Variants in DHX32 observed in about 807,000 individuals in gnomAD.
DHX32 encodes the protein putative pre-mRNA-splicing factor ATP-dependent RNA helicase DHX32.
DHX32 carries 51 observed loss-of-function variants against 70.0 expected under a neutral mutation model. That is an observed-to-expected ratio of 0.73 (90% CI 0.58 to 0.92). The LOEUF (loss-of-function observed/expected upper bound fraction) is 0.92, where lower values mean the gene tolerates loss of function less well. Among genes scored for constraint, DHX32 ranks in the 40% least tolerant of loss-of-function variants. The pLI, the probability that DHX32 is intolerant of heterozygous loss-of-function variation, is 0.00. For synonymous variants in DHX32, 310 were observed against 315.3 expected, an observed-to-expected ratio of 0.98 and a Z score of 0.18; for missense variants, 762 against 891.8, an observed-to-expected ratio of 0.85 and a Z score of 1.85.
In DHX32 at chr10:125,879,357, T is replaced by G. The variant is rs146061966; in HGVS notation, c.282+1186A>C. Among the ~76,000 whole-genome samples the G allele has an allele frequency of 2.2e-3, 340 of 152,114 alleles. 1 individual carries two copies. The highest frequency in any genetic ancestry group is 7.7e-3 in the African/African-American group (318 of 41,496). On this transcript the variant is annotated intron_variant, in intron 1 of 10. Transcript: ENST00000284690. ...CGTTAAACAAACAAACAAACTTTAATTGAGAGGCCATTAGGCTGAGGCAAT... is the reference window on the plus strand; with the variant it reads ...CGTTAAACAAACAAACAAACTTTAAGTGAGAGGCCATTAGGCTGAGGCAAT...
In DHX32 at chr10:125,852,297, T is replaced by G; in HGVS notation, c.1347A>C (p.Arg449Ser). Residue 449 changes from arginine (R) to serine (S), a missense_variant, in exon 6 of 11, where the codon AGA (arginine) becomes AGC (serine). By Grantham distance (110) the Arg-to-Ser change is moderately radical. Coordinates refer to ENST00000284690, the MANE Select transcript of DHX32 (RefSeq NM_018180.3). ...GACATGGGAGCATAAGGCTACCTGG[T>G]CTGTTCATGAAGTCACAGTGGCCTA... is the stretch of plus-strand genomic sequence containing the variant. ...AGLGHCDFMN[R>S]PAPESLMQAL... 1 of 1,613,936 alleles carries G rather than the reference T, an allele frequency of 6.2e-7. No individual in the cohort carries two copies. Among genetic ancestry groups the G allele is most frequent in the Non-Finnish European group, 8.5e-7 (1 of 1,179,946 alleles).
At chr10:125,874,720 GCTAA>G (rs1439734049) in intron 1 of DHX32, among the ~76,000 whole-genome samples, 1 of 152,134 alleles carries the variant, frequency 6.6e-6, no homozygotes, top group Non-Finnish European at 1.5e-5. Flanking sequence ...ACCCTGTAGT[GCTAA>G]ACTGGAATCA....
At chr10:125,837,111 A>G (rs1368247268) in intron 10 of DHX32, among the ~76,000 whole-genome samples, 1 of 152,242 alleles carries the variant, frequency 6.6e-6, no homozygotes, top group Non-Finnish European at 1.5e-5. Context: ...GTCTACCACT[A>G]ACCTTTAGTG....
At chr10:125,843,346 G>A (rs1395862937) in intron 6 of DHX32, among the ~76,000 whole-genome samples, 1 of 152,102 alleles carries the variant, frequency 6.6e-6, no homozygotes, top group Non-Finnish European at 1.5e-5. Context: ...CAGGCAAACT[G>A]AGTAGCTCAA....
chr10:125,874,611 C>G (rs1944273889), intron 1 of DHX32, among the ~76,000 whole-genome samples: 1 of 152,142 alleles, frequency 6.6e-6, no homozygotes, highest in Non-Finnish European at 1.5e-5. Context: ...AGTATCTTTA[C>G]TTGTTCAATC....
chr10:125,854,263 A>C, intron 3 of DHX32, 60 bp from the exon 4 acceptor site: 1 of 1,484,808 alleles, frequency 6.7e-7, no homozygotes, highest in Non-Finnish European at 8.9e-7. Context: ...CTATTAAAAA[A>C]ATGTCTGAAT....
intron 2 of DHX32, among the ~76,000 whole-genome samples, chr10:125,863,720 A>G (rs1025596458): frequency 6.6e-6 from 1 of 152,134 alleles, no homozygotes; most frequent in Non-Finnish European, 1.5e-5. Flanking sequence ...AAGTGCTGGG[A>G]TTACAGGCGT....
chr10:125,841,896 A>AG lies in DHX32; in HGVS notation c.1389_1390insC (p.Tyr464LeufsTer7). The AG allele has an allele frequency of 6.2e-7, 1 of 1,606,584 alleles. No individual in the cohort carries two copies. Among genetic ancestry groups the AG allele is most frequent in the Non-Finnish European group, 8.5e-7 (1 of 1,178,214 alleles). On this transcript the variant is annotated frameshift_variant, in exon 7 of 11. Transcript: ENST00000284690. LOFTEE classifies it high-confidence loss of function. The stretch of plus-strand genomic sequence containing the variant: ...CCATCATTATCCAGTGCTGCCAGAT[A>AG]ATCTAAGTCTTCCAATGCCTGCATC...
At chr10:125,859,442 A>G (rs1372432174) in intron 3 of DHX32, among the ~76,000 whole-genome samples, 161 bp downstream of exon 3, 1 of 152,178 alleles carries the variant, frequency 6.6e-6, no homozygotes, top group Admixed American at 6.5e-5. Context: ...GATTTTAGAA[A>G]CACTTCCTGT....
At chr10:125,843,381 C>CA (rs1854933473) in intron 6 of DHX32, among the ~76,000 whole-genome samples, 1 of 152,026 alleles carries the variant, frequency 6.6e-6, no homozygotes, top group African/African-American at 2.4e-5. Flanking sequence ...GAGGCCGAGG[C>CA]GGGAGGATCA....
rs1162224025 is a variant in DHX32, at chr10:125,854,015, C to CA, written c.1037dup (p.Leu346PhefsTer61). The CA allele has an allele frequency of 6.2e-7, 1 of 1,614,054 alleles. No homozygotes were observed. Among genetic ancestry groups the CA allele is most frequent in the Non-Finnish European group, 8.5e-7 (1 of 1,179,992 alleles). ...CAAATCTGACTGAGTTGCTCCAGAT[C>CA]AAAAACTCTCCAGAGCTAGTAGTTA... On this transcript the variant is annotated frameshift_variant, in exon 4 of 11. Coordinates refer to ENST00000284690, the MANE Select transcript of DHX32 (RefSeq NM_018180.3). LOFTEE classifies it high-confidence loss of function.
rs751197951 is a variant in DHX32 at position 125,887,640 on chromosome 10, T to TG, written c.-247-6570_-247-6569insC. ...TACATTGTATGTGTTTGTGTGTGTG[T>TG]TTTTTTTTAAATTTTAGAAATAGGG... On this transcript the variant is annotated intron_variant, in intron 1 of 2. Coordinates refer to the DHX32 transcript ENST00000415732. 1.2e-4 allele frequency among the ~76,000 whole-genome samples: 17 copies of TG among 146,202 alleles called. No individual in the cohort carries two copies. The South Asian group carries it at 1.3e-3, about 11-fold the overall frequency.
chr10:125,837,757 C>T (rs1854741628), intron 10 of DHX32, among the ~76,000 whole-genome samples: 1 of 152,178 alleles, frequency 6.6e-6, no homozygotes, highest in Non-Finnish European at 1.5e-5. Flanking sequence ...TTAAAATGCT[C>T]CAATTGCTGT....
chr10:125,879,006 CCTTTT>C (rs1944300888), intron 1 of DHX32, among the ~76,000 whole-genome samples: 1 of 145,666 alleles, frequency 6.9e-6, no homozygotes, highest in Non-Finnish European at 1.5e-5. Context: ...CAGCGCCCAG[CCTTTT>C]CTTGTTTTTT....
chr10:125,892,086 C>T (rs1944374267), intron 1 of DHX32, among the ~76,000 whole-genome samples: 1 of 152,188 alleles, frequency 6.6e-6, no homozygotes, highest in South Asian at 2.1e-4. Flanking sequence ...AACACATCTA[C>T]CCCACTTCTT....
chr10:125,849,388 A>T (rs554538332), intron 6 of DHX32, among the ~76,000 whole-genome samples: 2 of 152,272 alleles, frequency 1.3e-5, no homozygotes, highest in African/African-American at 4.8e-5. Flanking sequence ...TTTTGTTTTC[A>T]CTTTCTGTAA....
intron 1 of DHX32, among the ~76,000 whole-genome samples, chr10:125,873,112 A>C (rs757505031): frequency 6.6e-6 from 1 of 152,136 alleles, no homozygotes; most frequent in African/African-American, 2.4e-5. Flanking sequence ...CCAGATCCAG[A>C]TCAGAATCAA....
At chr10:125,859,300 C>T (rs1944169857) in intron 3 of DHX32, among the ~76,000 whole-genome samples, 1 of 152,168 alleles carries the variant, frequency 6.6e-6, no homozygotes, top group Non-Finnish European at 1.5e-5. Flanking sequence ...AGACAATTCA[C>T]AGCAAGCATA....
chr10:125,870,689 T>C (rs186741017), intron 1 of DHX32, among the ~76,000 whole-genome samples: 40 of 151,836 alleles, frequency 2.6e-4, no homozygotes, highest in Admixed American at 1.6e-3. Context: ...ATACAAAAAT[T>C]AGCCAGGCGT....
Sources: allele counts gnomAD v4.1 joint callset (sites outside exome capture counted in the v4.1 genomes callset), GRCh38; gene constraint gnomAD v4.1.1; transcripts MANE v1.5; gene names NCBI Gene and HGNC (gene_info 2026-07-23, HGNC 2026-07-21).